ZNF142: variants seen among roughly 807,000 people sequenced by gnomAD.
ZNF142 encodes the protein zinc finger protein 142.
Under a neutral mutation model 132.1 loss-of-function variants are expected in ZNF142, and 96 were observed. The ratio of observed to expected loss-of-function variants is 0.73; its 90% CI spans 0.62 to 0.86. The LOEUF (loss-of-function observed/expected upper bound fraction) is 0.86. Ranked by LOEUF, ZNF142 falls within the 40% of genes least tolerant of loss-of-function variation. The pLI, the probability that ZNF142 is intolerant of heterozygous loss-of-function variation, is 0.00. For missense variants in ZNF142, 2,163 were observed against 2,336.2 expected (o/e 0.93, Z 1.53); for synonymous variants, 842 against 890.1 (o/e 0.95, Z 0.96).
At chr2:218,640,827 T>A in intron 9 of ZNF142, 58 bp from the exon 10 acceptor site, 10 of 1,374,812 alleles carry the variant, frequency 7.3e-6, no homozygotes, top group South Asian at 3.6e-5. Flanking sequence ...AAATGTTAGC[T>A]GTTATTATCC....
Position 218,643,959 on chromosome 2 carries a change from G to T in ZNF142, c.3157C>A (p.Leu1053Met). The T allele has an allele frequency of 6.2e-7, 1 of 1,614,166 alleles. No individual in the cohort carries two copies. The highest frequency in any genetic ancestry group is 8.5e-7 in the Non-Finnish European group (1 of 1,180,014). The stretch of plus-strand genomic sequence containing the variant: ...CCTTGGCACCCAGTCCTGGAGTGCA[G>T]ATTCAGGGCCTTCTCCCGGCGAGTG... ...FITRREKALN[L>M]HSRTGCQGRR... The change falls in exon 9 of 11, where the codon CTG (leucine) becomes ATG (methionine). Residue 1053 changes from leucine to methionine, a missense_variant. By Grantham distance (15) the Leu-to-Met change is conservative. Coordinates refer to ENST00000411696, the MANE Select transcript of ZNF142 (RefSeq NM_001379659.1).
rs376211829 is a variant in ZNF142 at position 218,643,918 on chromosome 2, C to G, written c.3198G>C (p.Leu1066=). Residue 1066 remains leucine, a synonymous_variant, in exon 9 of 11, where the codon CTG becomes CTC. Transcript: ENST00000411696. ...RTGCQGRREP[L]LCPECGASFK... The stretch of plus-strand genomic sequence containing the variant: ...AGCTAGCCCCACACTCGGGGCACAG[C>G]AGGGGCTCTCGGCGGCCTTGGCACC... 1.0e-4 allele frequency: 162 copies of G among 1,614,026 alleles called. No homozygotes were observed. The highest frequency in any genetic ancestry group is 1.3e-4 in the Non-Finnish European group (149 of 1,180,020).
rs1415566617 is a variant in ZNF142, at chr2:218,638,755, C to T, written c.5248G>A (p.Ala1750Thr). Residue 1750 changes from alanine (A) to threonine (T), a missense_variant, in exon 11 of 11, where the codon GCA becomes ACA. Transcript: ENST00000411696. Reference protein sequence around the residue: ...ECEYCTNRADALRVHQETRHR... With the variant: ...ECEYCTNRADTLRVHQETRHR... The stretch of plus-strand genomic sequence containing the variant: ...CGGGTCTCCTGGTGCACACGCAGTG[C>T]ATCAGCCCGGTTGGTGCAGTACTCA... 2.5e-6 allele frequency: 4 copies of T among 1,611,010 alleles called. No homozygotes were observed. The highest frequency in any genetic ancestry group is 2.5e-6 in the Non-Finnish European group (3 of 1,179,944).
chr2:218,645,787 G>C (rs993393130), intron 8 of ZNF142, among the ~76,000 whole-genome samples: 3 of 152,132 alleles, frequency 2.0e-5, no homozygotes, highest in African/African-American at 7.2e-5. Flanking sequence ...TTTTGAAACA[G>C]AGTCTTACTC....
In ZNF142 at chr2:218,638,463, T is replaced by C. The variant is rs749859946; in HGVS notation, c.5540A>G (p.Gln1847Arg). 5 of 1,586,594 alleles carry C rather than the reference T, an allele frequency of 3.2e-6. No homozygotes were observed. In the East Asian group the frequency reaches 9.0e-5, roughly 29 times the overall value. The change falls in exon 11 of 11, where the codon CAA (glutamine) becomes CGA (arginine). Residue 1847 changes from glutamine (Q) to arginine (R), a missense_variant. This residue lies in a region of ZNF142 where 325 missense variants were observed against 367.8 expected (regional missense o/e 0.88). Transcript: ENST00000411696. Reference protein sequence around the residue: ...VKHVRRHHPDQADPNQGVGKD... With the variant: ...VKHVRRHHPDRADPNQGVGKD... Reference sequence around the variant, plus strand: ...GCCCACACCCTGGTTTGGGTCGGCTTGGTCAGGGTGGTGCCTGCGTACGTG... The same window carrying C: ...GCCCACACCCTGGTTTGGGTCGGCTCGGTCAGGGTGGTGCCTGCGTACGTG...
intron 4 of ZNF142, 117 bp downstream of exon 4, chr2:218,656,033 A>T (rs1938450822): frequency 2.4e-6 from 3 of 1,263,882 alleles, no homozygotes; most frequent in Non-Finnish European, 3.1e-6. Flanking sequence ...AACATCTCCA[A>T]GTATAAAAAT....
Position 218,649,159 on chromosome 2 carries a change from G to A in ZNF142, c.1349C>T (p.Ser450Leu). 1.2e-6 allele frequency: 2 copies of A among 1,614,230 alleles called. No homozygotes were observed. The highest frequency in any genetic ancestry group is 1.7e-6 in the Non-Finnish European group (2 of 1,180,048). ...GCAGACAGGACAGGCATAGGTGTCT[G>A]AGTAGAAGTTGGAAATATCTTCATG... is the stretch of plus-strand genomic sequence containing the variant. ...SMHEDISNFY[S>L]DTYACPVCRE... The change falls in exon 7 of 11, where the codon TCA becomes TTA. Residue 450 changes from serine (S) to leucine (L), a missense_variant. Around this residue, in one of 7 missense-constraint regions of ZNF142, gnomAD observed 749 missense variants for 830.3 expected, o/e 0.90. Coordinates refer to ENST00000411696, the MANE Select transcript of ZNF142 (RefSeq NM_001379659.1).
intron 3 of ZNF142, among the ~76,000 whole-genome samples, chr2:218,658,288 C>G (rs1938788897): frequency 6.6e-6 from 1 of 152,090 alleles, no homozygotes; most frequent in East Asian, 1.9e-4. Context: ...GCCTGTAATC[C>G]CAGCACTTTG....
intron 4 of ZNF142, among the ~76,000 whole-genome samples, chr2:218,655,878 G>A (rs13383705): frequency 0.095 from 14,486 of 152,086 alleles, 1,358 homozygotes; most frequent in African/African-American, 0.24. Context: ...AGGATTGGGC[G>A]GAGGTGTCAG....
At chr2:218,641,981 A>AGAGCCTGTGCTCCT in intron 9 of ZNF142, 47 bp downstream of exon 9, 3 of 1,579,676 alleles carry the variant, frequency 1.9e-6, no homozygotes, top group Non-Finnish European at 2.6e-6. Context: ...GTTTAACTCC[A>AGAGCCTGTGCTCCT]GAGCCTGTGC....
chr2:218,646,623 G>A (rs149301129), intron 7 of ZNF142, among the ~76,000 whole-genome samples: 2 of 151,418 alleles, frequency 1.3e-5, no homozygotes, highest in South Asian at 2.1e-4. Context: ...TCAATCTGTC[G>A]CCCAGGCTGG....
chr2:218,649,929 T>C (rs1431819127), intron 6 of ZNF142, among the ~76,000 whole-genome samples: 2 of 152,232 alleles, frequency 1.3e-5, no homozygotes, highest in African/African-American at 4.8e-5. Flanking sequence ...ATCTTTCTTA[T>C]TCACTTGATA....
chr2:218,636,138 G>T lies in ZNF142; in HGVS notation c.*2201C>A. 1.4e-6 allele frequency: 2 copies of T among 1,417,060 alleles called. No individual in the cohort carries two copies. Among genetic ancestry groups the T allele is most frequent in the South Asian group, 1.3e-5 (1 of 79,092 alleles). 87.8% of individuals were successfully genotyped at this position (1,417,060 alleles called of 1,614,324 possible). On this transcript the variant is annotated 3_prime_UTR_variant, in exon 11 of 11. Coordinates refer to ENST00000411696, the MANE Select transcript of ZNF142 (RefSeq NM_001379659.1). ...TTACTCTGAGCCTTTTTCCTTACCT[G>T]TAAAATGCTGATTGCCATCTAGATT...
chr2:218,642,722 C>G lies in ZNF142; in HGVS notation c.4394G>C (p.Ser1465Thr), dbSNP rs370029913. The change falls in exon 9 of 11, where the codon AGT becomes ACT. Residue 1465 changes from serine (S) to threonine (T), a missense_variant. Physicochemically the swap from Ser to Thr is moderately conservative, Grantham distance 58 (BLOSUM62 1). Transcript: ENST00000411696. This position sits in a 1 kb window ranked among gnomAD's most constrained non-coding sequence, Gnocchi z 4.6. ...AGTGATGTCATGGCGAAGGTAGCCACTATAGTCACAAAGTGGACAGAAGTG... is the reference window on the plus strand; with the variant it reads ...AGTGATGTCATGGCGAAGGTAGCCAGTATAGTCACAAAGTGGACAGAAGTG... The part of the protein sequence containing the change: ...PTHFCPLCDY[S>T]GYLRHDITRH... 6.2e-7 allele frequency: 1 copy of G among 1,614,188 alleles called. No homozygotes were observed. Among genetic ancestry groups the G allele is most frequent in the South Asian group, 1.1e-5 (1 of 91,092 alleles).
chr2:218,657,591 GCTA>G (rs1458480247), intron 3 of ZNF142, among the ~76,000 whole-genome samples: 1 of 152,082 alleles, frequency 6.6e-6, no homozygotes, highest in African/African-American at 2.4e-5. Flanking sequence ...ACCACGCCTG[GCTA>G]CTATTTTGTA....
At position 218,648,521 on chromosome 2, in the gene ZNF142, A is replaced by T. The variant is rs758085256; in HGVS notation, c.1873+114T>A. ...GGCTCATTTGTAAACTTGGAATGCTAGATCTATCTCTAGGAATTTTGGGTC... is the reference window on the plus strand; with the variant it reads ...GGCTCATTTGTAAACTTGGAATGCTTGATCTATCTCTAGGAATTTTGGGTC... On this transcript the variant is annotated intron_variant, in intron 7 of 10. Coordinates refer to ENST00000411696, the MANE Select transcript of ZNF142 (RefSeq NM_001379659.1). The T allele has an allele frequency of 2.6e-5, 26 of 990,790 alleles. No individual in the cohort carries two copies. The Admixed American group carries it at 4.9e-4, about 19-fold the overall frequency. The allele number at this position is 990,790 out of a possible 1,614,324, so 61.4% of individuals were successfully genotyped here.
In ZNF142 at chr2:218,634,194, G is replaced by A; in HGVS notation, c.*4145C>T. On this transcript the variant is annotated 3_prime_UTR_variant, in exon 11 of 11. Transcript: ENST00000411696. The surrounding 1 kb of genome is among the most constrained non-coding windows in gnomAD (Gnocchi z 4.0). Reference sequence around the variant, plus strand: ...AGACTCTTCCAACTACAACCCCCAGGAACTCTGGAATGCAGGCTGCCAGAT... The same window carrying A: ...AGACTCTTCCAACTACAACCCCCAGAAACTCTGGAATGCAGGCTGCCAGAT... 1 of 1,611,756 alleles carries A rather than the reference G, an allele frequency of 6.2e-7. No individual in the cohort carries two copies. The highest frequency in any genetic ancestry group is 1.7e-5 in the Admixed American group (1 of 59,594).
At chr2:218,653,399 G>A (rs1029940409) in intron 4 of ZNF142, among the ~76,000 whole-genome samples, 6 of 151,752 alleles carry the variant, frequency 4.0e-5, no homozygotes, top group East Asian at 1.9e-4. Context: ...CCAACATGGC[G>A]AAACCCCGTC....
At chr2:218,650,956 C>T (rs1394473726) in intron 5 of ZNF142, among the ~76,000 whole-genome samples, 1 of 151,552 alleles carries the variant, frequency 6.6e-6, no homozygotes, top group Non-Finnish European at 1.5e-5. Context: ...CGCCGTCTCC[C>T]TTGAAAGTTC....
Sources: allele counts gnomAD v4.1 joint callset (sites outside exome capture counted in the v4.1 genomes callset), GRCh38; gene constraint gnomAD v4.1.1; regional missense constraint gnomAD v4.1.1; non-coding constraint Gnocchi (gnomAD v3.1); transcripts MANE v1.5; gene names NCBI Gene and HGNC (gene_info 2026-07-23, HGNC 2026-07-21).